DPP10: variants seen among roughly 807,000 people sequenced by gnomAD.
DPP10 encodes inactive dipeptidyl peptidase 10.
Under a neutral mutation model 120.9 loss-of-function variants are expected in DPP10, and 33 were observed. The observed-to-expected ratio is 0.27, with a 90% CI of 0.21 to 0.37. The LOEUF (loss-of-function observed/expected upper bound fraction) is 0.37, where lower values mean the gene tolerates loss of function less well. Ranked by LOEUF, DPP10 falls within the 10% of genes least tolerant of loss-of-function variation. The probability of loss-of-function intolerance (pLI) is 1.00; values close to 1 mark genes in which losing one functional copy is unlikely to be tolerated. For synonymous variants in DPP10, 337 were observed against 326.1 expected (o/e 1.03, Z -0.36); for missense variants, 816 against 942.8 (o/e 0.87, Z 1.76).
intron 5 of DPP10, among the ~76,000 whole-genome samples, chr2:115,642,198 A>G (rs2086839350): frequency 6.6e-6 from 1 of 152,154 alleles, no homozygotes; most frequent in Admixed American, 6.5e-5. Context: ...TATAATATTT[A>G]ACTTAAAACA....
chr2:115,320,975 G>A (rs910016372), intron 2 of DPP10, among the ~76,000 whole-genome samples: 7 of 152,006 alleles, frequency 4.6e-5, no homozygotes, highest in Non-Finnish European at 1.0e-4. Context: ...TTTGAGTGAC[G>A]ATTTTGCTAT....
intron 1 of DPP10, among the ~76,000 whole-genome samples, chr2:114,790,906 G>C (rs995483153): frequency 6.6e-6 from 1 of 152,140 alleles, no homozygotes; most frequent in Middle Eastern, 3.2e-3. Flanking sequence ...GGCTTGGCTT[G>C]GGCTCAGAGG....
At chr2:115,513,429 A>G (rs895782269) in intron 4 of DPP10, among the ~76,000 whole-genome samples, 14 of 151,874 alleles carry the variant, frequency 9.2e-5, no homozygotes, top group South Asian at 4.1e-4. Flanking sequence ...TTTGTTTTCT[A>G]CATATCATAT....
intron 1 of DPP10, among the ~76,000 whole-genome samples, chr2:114,748,313 G>T (rs1186078985): frequency 4.2e-5 from 5 of 119,154 alleles, no homozygotes; most frequent in African/African-American, 6.5e-5. Flanking sequence ...ATCCAAATTT[G>T]TTCACGTAGG....
intron 1 of DPP10, among the ~76,000 whole-genome samples, chr2:115,132,089 A>AAAG (rs1553496231): frequency 6.6e-6 from 1 of 151,904 alleles, no homozygotes; most frequent in Non-Finnish European, 1.5e-5. Flanking sequence ...CGCCATCTCA[A>AAAG]AATAATAATA....
At chr2:115,559,078 G>T (rs1442684098) in intron 5 of DPP10, among the ~76,000 whole-genome samples, 1 of 152,092 alleles carries the variant, frequency 6.6e-6, no homozygotes, top group African/African-American at 2.4e-5. Flanking sequence ...CATTCTATCT[G>T]AATTTCAAAA....
chr2:115,442,086 A>G (rs1258598757), intron 3 of DPP10, among the ~76,000 whole-genome samples: 1 of 151,996 alleles, frequency 6.6e-6, no homozygotes, highest in Non-Finnish European at 1.5e-5. Flanking sequence ...TTCTGGGATT[A>G]CAGACATGAG....
In DPP10 at chr2:115,712,543, A is replaced by ATATATAT. The variant is rs56675119; in HGVS notation, c.577-15273_577-15272insTATATAT. ...AATAGCTTTGAAGAGTCCTGAATTA[A>ATATATAT]ATATATATATATATATATATATAAA... On this transcript the variant is annotated intron_variant, in intron 7 of 25. Transcript: ENST00000410059. Among the ~76,000 whole-genome samples, 599 of 64,284 alleles carry ATATATAT rather than the reference A, an allele frequency of 9.3e-3. 147 individuals carry two copies. Among genetic ancestry groups the ATATATAT allele is most frequent in the South Asian group, 0.019 (25 of 1,324 alleles). 42.2% of individuals were successfully genotyped at this position (64,284 alleles called of 152,430 possible).
intron 1 of DPP10, among the ~76,000 whole-genome samples, chr2:114,967,544 G>C (rs577436958): frequency 2.6e-5 from 4 of 152,282 alleles, no homozygotes; most frequent in African/African-American, 7.2e-5. Context: ...GGACAAGGCA[G>C]GGAAAGTATA....
chr2:114,803,694 A>G (rs144067723), intron 1 of DPP10, among the ~76,000 whole-genome samples: 1 of 152,230 alleles, frequency 6.6e-6, no homozygotes, highest in Non-Finnish European at 1.5e-5. Context: ...GATTTAGGGC[A>G]TCTGGCTGAA....
chr2:115,778,525 G>A (rs980183201), intron 15 of DPP10, among the ~76,000 whole-genome samples: 1 of 151,918 alleles, frequency 6.6e-6, no homozygotes, highest in South Asian at 2.1e-4. Context: ...TTTATTTTTG[G>A]CTGGCAAGCA....
At chr2:115,686,052 G>A (rs2090970546) in intron 5 of DPP10, among the ~76,000 whole-genome samples, 1 of 152,046 alleles carries the variant, frequency 6.6e-6, no homozygotes, top group Non-Finnish European at 1.5e-5. Flanking sequence ...TACTTTCCCA[G>A]CTAAGGTTGA....
chr2:115,152,162 G>A (rs1287004157), intron 1 of DPP10, among the ~76,000 whole-genome samples: 1 of 152,114 alleles, frequency 6.6e-6, no homozygotes, highest in Non-Finnish European at 1.5e-5. Context: ...TTTCCTGTAA[G>A]GTTCAAGACA....
chr2:114,835,568 C>T (rs1302818770), intron 1 of DPP10: 1 of 152,014 alleles, frequency 6.6e-6, no homozygotes, highest in Non-Finnish European at 1.5e-5. Flanking sequence ...TACTAGCTGG[C>T]TTTTCTAGTG....
At chr2:115,706,988 A>C (rs1420798181) in intron 7 of DPP10, among the ~76,000 whole-genome samples, 2 of 151,944 alleles carry the variant, frequency 1.3e-5, no homozygotes, top group Admixed American at 1.3e-4. Context: ...GAAAATAAAA[A>C]AAGACAGTAC....
intron 1 of DPP10, among the ~76,000 whole-genome samples, chr2:115,108,981 G>T (rs2049081483): frequency 6.6e-6 from 1 of 151,726 alleles, no homozygotes; most frequent in Non-Finnish European, 1.5e-5. Flanking sequence ...CATTTGAGCA[G>T]CCATAGCTAT....
chr2:114,469,304 T>C (rs536210921), intron 1 of DPP10, among the ~76,000 whole-genome samples: 1 of 152,366 alleles, frequency 6.6e-6, no homozygotes, highest in East Asian at 1.9e-4. Context: ...TTGAGAATAC[T>C]AAGTACTTAT....
chr2:115,470,735 T>G (rs1185208264), intron 3 of DPP10, among the ~76,000 whole-genome samples: 1 of 152,164 alleles, frequency 6.6e-6, no homozygotes, highest in Non-Finnish European at 1.5e-5. Context: ...AAAATTTGGT[T>G]TTCTATCCCC....
At chr2:115,669,426 G>A (rs938728896) in intron 5 of DPP10, among the ~76,000 whole-genome samples, 9 of 152,190 alleles carry the variant, frequency 5.9e-5, no homozygotes, top group East Asian at 3.9e-4. Context: ...GTCTTCCTGC[G>A]TTAATTTAAA....
Sources: allele counts gnomAD v4.1 joint callset (sites outside exome capture counted in the v4.1 genomes callset), GRCh38; gene constraint gnomAD v4.1.1; transcripts MANE v1.5; gene names NCBI Gene and HGNC (gene_info 2026-07-23, HGNC 2026-07-21).